The following ATR variants were observed in gnomAD, a reference collection of about 807,000 sequenced individuals.
ATR encodes ATR checkpoint kinase.
In ATR, 142 loss-of-function variants were observed where a neutral mutation model predicts 305.3. The observed-to-expected ratio is 0.47, with a 90% confidence interval of 0.41 to 0.53. ATR has a LOEUF of 0.53. Ranked by LOEUF, ATR falls within the 20% of genes least tolerant of loss-of-function variation. The probability of loss-of-function intolerance (pLI) is 0.00; values close to 1 mark genes in which losing one functional copy is unlikely to be tolerated. For synonymous variants in ATR, 1,050 were observed against 1,068.1 expected, an observed-to-expected ratio of 0.98 and a Z score of 0.33; for missense variants, 2,135 against 3,133.1, an observed-to-expected ratio of 0.68 and a Z score of 7.60.
chr3:142,529,836 T>A (rs898276730), intron 21 of ATR, among the ~76,000 whole-genome samples: 5 of 152,026 alleles, frequency 3.3e-5, no homozygotes, highest in African/African-American at 1.2e-4. Context: ...TGAAAAAAAA[T>A]TTTTTGGCCA....
intron 46 of ATR, chr3:142,450,614 G>A: frequency 6.2e-7 from 1 of 1,607,820 alleles, no homozygotes. Context: ...TTAGGAAAAG[G>A]TGGATATGGA....
rs2070935218 is a variant in ATR, at chr3:142,457,641, T to C, written c.7618A>G (p.Met2540Val). 1 of 1,613,958 alleles carries C rather than the reference T, an allele frequency of 6.2e-7. No homozygotes were observed. Among genetic ancestry groups the C allele is most frequent in the African/African-American group, 1.3e-5 (1 of 74,932 alleles). Reference sequence around the variant, plus strand: ...TCTCGCTGATCACGCATCAGCCTCATTGTAACTTCACATGCTCTTCGAAAA... The same window carrying C: ...TCTCGCTGATCACGCATCAGCCTCACTGTAACTTCACATGCTCTTCGAAAA... ...GLFRRACEVTMRLMRDQREPL... is the reference protein window; with the variant it reads ...GLFRRACEVTVRLMRDQREPL... Residue 2540 changes from methionine (M) to valine (V), a missense_variant, in exon 45 of 47, where the codon ATG (methionine) becomes GTG (valine). Coordinates refer to ENST00000350721, the MANE Select transcript of ATR (RefSeq NM_001184.4).
chr3:142,559,551 A>G (rs1188145280), intron 6 of ATR, 110 bp from the exon 7 acceptor site: 3 of 1,034,518 alleles, frequency 2.9e-6, no homozygotes, highest in East Asian at 5.2e-5. Context: ...AAATTTATCT[A>G]TAACAATTTA....
At position 142,561,421 on chromosome 3, in the gene ATR, A is replaced by C; in HGVS notation, c.1171T>G (p.Tyr391Asp). ...GCTGCATAAAGTGGGCCCAACAAGT[A>C]CTGAGAAAATAAAAAATAATTTCCA... ...DVLGIEVDAE[Y>D]LLGPLYAALK... Residue 391 changes from tyrosine (Y) to aspartate (D), a missense_variant and splice_region_variant, in exon 5 of 47, where the codon TAC (tyrosine) becomes GAC (aspartate). Physicochemically the swap from Tyr to Asp is radical, Grantham distance 160 (BLOSUM62 -3). Transcript: ENST00000350721. 6.2e-7 allele frequency: 1 copy of C among 1,612,676 alleles called. No individual in the cohort carries two copies. Among genetic ancestry groups the C allele is most frequent in the Non-Finnish European group, 8.5e-7 (1 of 1,179,062 alleles).
At chr3:142,484,391 A>G (rs1450915107) in intron 36 of ATR, among the ~76,000 whole-genome samples, 2 of 152,134 alleles carry the variant, frequency 1.3e-5, no homozygotes, top group Non-Finnish European at 2.9e-5. Context: ...GCTTCCAGAG[A>G]GGTGAACACG....
intron 33 of ATR, among the ~76,000 whole-genome samples, chr3:142,496,793 C>T (rs1049427870): frequency 6.6e-6 from 1 of 151,812 alleles, no homozygotes; most frequent in African/African-American, 2.4e-5. Flanking sequence ...AAACATATCC[C>T]CCAGATATGT....
Position 142,457,635 on chromosome 3 carries a change from G to A in ATR, c.7624C>T (p.Leu2542=), listed in dbSNP as rs1242052982. 1.2e-6 allele frequency: 2 copies of A among 1,613,898 alleles called. No individual in the cohort carries two copies. Among genetic ancestry groups the A allele is most frequent in the African/African-American group, 1.3e-5 (1 of 74,906 alleles). The change falls in exon 45 of 47, where the codon CTG becomes TTG. Residue 2542 remains leucine, a synonymous_variant. Coordinates refer to ENST00000350721, the MANE Select transcript of ATR (RefSeq NM_001184.4). ...FRRACEVTMR[L]MRDQREPLMS... ...AAAGGCTCTCGCTGATCACGCATCAGCCTCATTGTAACTTCACATGCTCTT... is the reference window on the plus strand; with the variant it reads ...AAAGGCTCTCGCTGATCACGCATCAACCTCATTGTAACTTCACATGCTCTT...
chr3:142,559,503 A>G lies in ATR; in HGVS notation c.1542-62T>C. The G allele has an allele frequency of 5.3e-6, 8 of 1,522,170 alleles. No individual in the cohort carries two copies. The South Asian group carries it at 8.1e-5, about 15-fold the overall frequency. 94.3% of individuals were successfully genotyped at this position (1,522,170 alleles called of 1,614,324 possible). A position where few individuals can be genotyped will look rare whatever the true frequency, so the allele number is the denominator to read the frequency against. ...AAGATGAATTTTGTTATAGTCAAAC[A>G]TAAAATTGTAGTAAAGCCAAAAGAA... is the stretch of plus-strand genomic sequence containing the variant. On this transcript the variant is annotated intron_variant, in intron 6 of 46. Transcript: ENST00000350721.
At position 142,555,944 on chromosome 3, in the gene ATR, T is replaced by C; in HGVS notation, c.2274A>G (p.Leu758=). The change falls in exon 10 of 47, where the codon CTA becomes CTG. Residue 758 remains leucine (L), a synonymous_variant. Coordinates refer to ENST00000350721, the MANE Select transcript of ATR (RefSeq NM_001184.4). ...TSQHECSSSQ[L]KASVCKPFLF... ...GGAATGGCTTGCAGACAGAAGCTTT[T>C]AGTTGAGAAGATGAACATTCATGTT... is the stretch of plus-strand genomic sequence containing the variant. The C allele has an allele frequency of 1.2e-6, 2 of 1,613,474 alleles. No individual in the cohort carries two copies. Among genetic ancestry groups the C allele is most frequent in the African/African-American group, 1.3e-5 (1 of 75,020 alleles).
intron 8 of ATR, among the ~76,000 whole-genome samples, chr3:142,557,649 A>AGGCTTCCATCATATG (rs2034720094): frequency 6.6e-6 from 1 of 152,144 alleles, no homozygotes; most frequent in South Asian, 2.1e-4. Context: ...AGAGGGACAA[A>AGGCTTCCATCATATG]GGCTTCCATC....
intron 13 of ATR, 80 bp downstream of exon 13, chr3:142,553,147 C>G (rs2034537700): frequency 1.3e-6 from 2 of 1,496,046 alleles, no homozygotes; most frequent in African/African-American, 2.8e-5. Flanking sequence ...CAAAATAAAA[C>G]ATGTATAAAT....
At position 142,541,021 on chromosome 3, in the gene ATR, A is replaced by T. The variant is rs1485611222; in HGVS notation, c.3464T>A (p.Leu1155Ter). 6.2e-7 allele frequency: 1 copy of T among 1,613,662 alleles called. No individual in the cohort carries two copies. The highest frequency in any genetic ancestry group is 1.1e-5 in the South Asian group (1 of 91,074). The change falls in exon 18 of 47, where the codon TTG becomes TAG. Residue 1155 changes from leucine (L) to a stop codon, truncating the protein, a stop_gained. Transcript: ENST00000350721. LOFTEE classifies it high-confidence loss of function. The stretch of plus-strand genomic sequence containing the variant: ...TCCCATTAACTTCATCAAAGACATC[A>T]AACTGTTCAAGGCCTATAGAGTTAA... ...IEDKKMALNS[L>*]MSLMKLMGPK...
intron 21 of ATR, among the ~76,000 whole-genome samples, chr3:142,525,839 G>A (rs2108403208): frequency 6.6e-6 from 1 of 152,246 alleles, no homozygotes. Context: ...AAAGGCTCAG[G>A]CTTGCTGAAA....
rs1202177934 is a variant in ATR at position 142,556,067 on chromosome 3, A to G, written c.2151T>C (p.Thr717=). The part of the protein sequence containing the change: ...FASILGQLVC[T]LHGMFYLTSS... ...TTGTCAGATAAAACATGCCGTGAAG[A>G]GTACAGACAAGTTGACCAAGTATAG... The change falls in exon 10 of 47, where the codon ACT becomes ACC. Residue 717 remains threonine (T), a synonymous_variant. Transcript: ENST00000350721. The G allele has an allele frequency of 6.2e-7, 1 of 1,613,930 alleles. No homozygotes were observed. Among genetic ancestry groups the G allele is most frequent in the Non-Finnish European group, 8.5e-7 (1 of 1,179,852 alleles).
chr3:142,540,643 T>C (rs1281501072), intron 18 of ATR, among the ~76,000 whole-genome samples: 1 of 152,120 alleles, frequency 6.6e-6, no homozygotes, highest in Non-Finnish European at 1.5e-5. Context: ...TAAAAAAAAC[T>C]AGCAATGTTG....
At position 142,556,117 on chromosome 3, in the gene ATR, C is replaced by T. The variant is rs1301785134; in HGVS notation, c.2101G>A (p.Asp701Asn). 4 of 1,612,768 alleles carry T rather than the reference C, an allele frequency of 2.5e-6. No homozygotes were observed. The South Asian group carries it at 4.4e-5, about 18-fold the overall frequency. ...GAAGCAAATTCTTTCTTGACAATGT[C>T]AGAATCATCTTTGACTTTATCTCTG... ...ILIDKVKDDS[D>N]IVKKEFASIL... Residue 701 changes from aspartate to asparagine, a missense_variant, in exon 10 of 47, where the codon GAC (aspartate) becomes AAC (asparagine). Physicochemically the swap from Asp to Asn is conservative, Grantham distance 23. This residue lies in a region of ATR where 744 missense variants were observed against 873.2 expected (regional missense o/e 0.85). Transcript: ENST00000350721.
Position 142,512,282 on chromosome 3 carries a change from G to GTTTGAT in ATR, c.4824_4829dup (p.Lys1608_Ser1609dup). 2 of 1,602,184 alleles carry GTTTGAT rather than the reference G, an allele frequency of 1.2e-6. No individual in the cohort carries two copies. The highest frequency in any genetic ancestry group is 1.7e-6 in the Non-Finnish European group (2 of 1,173,490). ...CACCCATTGAGTCTACCTTATTTCTGTTTGATTTGCTGTGTGGACATTTCT... is the reference window on the plus strand; with the variant it reads ...CACCCATTGAGTCTACCTTATTTCTGTTTGATTTTGATTTGCTGTGTGGACATTTCT... On this transcript the variant is annotated inframe_insertion, in exon 27 of 47. Coordinates refer to ENST00000350721, the MANE Select transcript of ATR (RefSeq NM_001184.4).
rs2108437346 is a variant in ATR, at chr3:142,540,829, G to C, written c.3581+75C>G. On this transcript the variant is annotated intron_variant, in intron 18 of 46. Coordinates refer to ENST00000350721, the MANE Select transcript of ATR (RefSeq NM_001184.4). ...TTATTTGAACCCAATTTCCCTCAAA[G>C]AGATAAGAATTCAAGTTAGTGCTAC... 4 of 1,491,342 alleles carry C rather than the reference G, an allele frequency of 2.7e-6. No homozygotes were observed. The South Asian group carries it at 5.0e-5, about 19-fold the overall frequency. 92.4% of individuals were successfully genotyped at this position (1,491,342 alleles called of 1,614,324 possible).
At chr3:142,475,286 C>T (rs986132019) in intron 36 of ATR, among the ~76,000 whole-genome samples, 2 of 151,920 alleles carry the variant, frequency 1.3e-5, no homozygotes, top group African/African-American at 4.8e-5. Context: ...GTGTGATGTT[C>T]CCCTTCCTGT....
Sources: gnomAD v4.1 joint callset for allele counts (sites outside exome capture counted in the v4.1 genomes callset) on GRCh38, gnomAD v4.1.1 for gene constraint, gnomAD v4.1.1 regional missense constraint, MANE v1.5 for transcripts, NCBI Gene and HGNC (gene_info 2026-07-23, HGNC 2026-07-21) for gene names.